Variants in NPAS3 observed in about 807,000 individuals in gnomAD.
The protein encoded by NPAS3 is neuronal PAS domain protein 3.
In NPAS3, 14 loss-of-function variants were observed where a neutral mutation model predicts 73.1. That is an observed-to-expected ratio of 0.19 (90% CI 0.13 to 0.30). The LOEUF (loss-of-function observed/expected upper bound fraction) is 0.30. Among genes scored for constraint, NPAS3 ranks in the 10% least tolerant of loss-of-function variants. The pLI, the probability that NPAS3 is intolerant of heterozygous loss-of-function variation, is 1.00. For missense variants in NPAS3, 1,096 were observed against 1,250.0 expected (o/e 0.88, Z 1.86); for synonymous variants, 620 against 541.5 (o/e 1.14, Z -2.01).
At chr14:33,605,814 C>G (rs1479890093) in intron 5 of NPAS3, among the ~76,000 whole-genome samples, 2 of 151,674 alleles carry the variant, frequency 1.3e-5, no homozygotes, top group Non-Finnish European at 2.9e-5. Flanking sequence ...TCTATAGATT[C>G]AATACAATTC....
intron 4 of NPAS3, among the ~76,000 whole-genome samples, chr14:33,485,850 C>T (rs1489813308): frequency 6.7e-6 from 1 of 150,228 alleles, no homozygotes; most frequent in African/African-American, 2.5e-5. Flanking sequence ...TTTTTTTTTT[C>T]ACCTTCTCTC....
At chr14:33,755,184 T>C (rs1253781414) in intron 7 of NPAS3, among the ~76,000 whole-genome samples, 4 of 152,250 alleles carry the variant, frequency 2.6e-5, no homozygotes, top group East Asian at 1.9e-4. Flanking sequence ...TAATGTAAGA[T>C]AATATGAGTG....
chr14:33,287,697 T>C (rs1159604193), intron 3 of NPAS3, among the ~76,000 whole-genome samples: 1 of 152,154 alleles, frequency 6.6e-6, no homozygotes, highest in East Asian at 1.9e-4. Context: ...CTTAATCTGG[T>C]TTCCTGTCAC....
chr14:33,345,080 G>A (rs1334794485), intron 3 of NPAS3, among the ~76,000 whole-genome samples: 2 of 152,104 alleles, frequency 1.3e-5, no homozygotes, highest in African/African-American at 2.4e-5. Flanking sequence ...AGTGGTTAAG[G>A]GTATTGTTAA....
chr14:33,164,310 G>T (rs1006716192), intron 2 of NPAS3, among the ~76,000 whole-genome samples: 1 of 152,162 alleles, frequency 6.6e-6, no homozygotes, highest in East Asian at 1.9e-4. Context: ...TTTCAATTTT[G>T]TGAAGAAGCT....
intron 5 of NPAS3, among the ~76,000 whole-genome samples, chr14:33,562,899 G>A (rs2055719145): frequency 6.7e-6 from 1 of 149,736 alleles, no homozygotes; most frequent in African/African-American, 2.5e-5. Context: ...TCTTTTATGA[G>A]CACACACACA....
At chr14:33,465,078 G>GT (rs550721097) in intron 4 of NPAS3, among the ~76,000 whole-genome samples, 3,496 of 151,274 alleles carry the variant, frequency 0.023, 116 homozygotes, top group African/African-American at 0.079. Context: ...ATTCCCAAAG[G>GT]TTTTTTTTTA....
intron 5 of NPAS3, among the ~76,000 whole-genome samples, chr14:33,665,895 C>T (rs2059438064): frequency 6.6e-6 from 1 of 151,946 alleles, no homozygotes; most frequent in Admixed American, 6.6e-5. Context: ...TGAGATCATT[C>T]CAGTGTAGCA....
chr14:32,994,851 C>T (rs1399540389), intron 1 of NPAS3, among the ~76,000 whole-genome samples: 1 of 152,082 alleles, frequency 6.6e-6, no homozygotes, highest in Non-Finnish European at 1.5e-5. Context: ...AGGCTGGTCT[C>T]GAACTCCTGA....
chr14:33,054,758 G>A (rs1407706465), intron 1 of NPAS3, among the ~76,000 whole-genome samples: 2 of 151,872 alleles, frequency 1.3e-5, no homozygotes, highest in Non-Finnish European at 1.5e-5. Flanking sequence ...GACTACAGGC[G>A]CCGACCACCA....
chr14:33,465,089 C>G (rs1201962181), intron 4 of NPAS3, among the ~76,000 whole-genome samples: 1 of 151,758 alleles, frequency 6.6e-6, no homozygotes, highest in Non-Finnish European at 1.5e-5. Flanking sequence ...TTTTTTTTTA[C>G]TTGAGTGATC....
At chr14:33,798,603 CCCTTCCT>C (rs1215574012) in intron 11 of NPAS3, among the ~76,000 whole-genome samples, 1 of 152,162 alleles carries the variant, frequency 6.6e-6, no homozygotes, top group Non-Finnish European at 1.5e-5. Context: ...AAACATGTAT[CCCTTCCT>C]CCAGACCCAG....
At chr14:33,253,311 G>C (rs1460904445) in intron 3 of NPAS3, among the ~76,000 whole-genome samples, 12 of 152,042 alleles carry the variant, frequency 7.9e-5, no homozygotes, top group Non-Finnish European at 1.5e-5. Context: ...GACAAGGAAA[G>C]TGAGGCACAG....
chr14:32,982,214 G>A (rs1006259479), intron 1 of NPAS3, among the ~76,000 whole-genome samples: 1 of 152,174 alleles, frequency 6.6e-6, no homozygotes, highest in Non-Finnish European at 1.5e-5. Context: ...CTTGAGAGAA[G>A]AAGAGATCAA....
In NPAS3 at chr14:33,170,644, A is replaced by G. The variant is rs77569401; in HGVS notation, c.141-44538A>G. ...TTTGTTATTTGTTGTCACTTCAACA[A>G]TGTTCACAACATCTTCACCAGGAGT... On this transcript the variant is annotated intron_variant, in intron 2 of 11. Coordinates refer to ENST00000356141, the Ensembl canonical transcript of NPAS3. Among the ~76,000 whole-genome samples, 275 of 152,334 alleles carry G rather than the reference A, an allele frequency of 1.8e-3. 1 individual carries two copies. The highest frequency in any genetic ancestry group is 6.2e-3 in the African/African-American group (258 of 41,566).
At chr14:33,140,185 T>C (rs1241442708) in intron 2 of NPAS3, among the ~76,000 whole-genome samples, 1 of 152,136 alleles carries the variant, frequency 6.6e-6, no homozygotes, top group Non-Finnish European at 1.5e-5. Context: ...GCACAGTAAA[T>C]TACATTGAAA....
chr14:33,139,725 AAT>A (rs1268876768), intron 2 of NPAS3, among the ~76,000 whole-genome samples: 15 of 152,340 alleles, frequency 9.8e-5, no homozygotes, highest in African/African-American at 3.6e-4. Flanking sequence ...ATGAAATAAA[AAT>A]ATGTTTCCTC....
chr14:33,387,941 G>A (rs865909262), intron 4 of NPAS3, among the ~76,000 whole-genome samples: 47 of 152,288 alleles, frequency 3.1e-4, no homozygotes, highest in African/African-American at 1.1e-3. Context: ...TCTACTAGAA[G>A]CTAAACTAGT....
intron 5 of NPAS3, among the ~76,000 whole-genome samples, chr14:33,674,991 G>A (rs931829416): frequency 3.9e-5 from 6 of 152,122 alleles, no homozygotes; most frequent in Non-Finnish European, 8.8e-5. Flanking sequence ...GTGCAGGCAC[G>A]CAGGTGGAAT....
Sources: gnomAD v4.1 joint callset for allele counts (sites outside exome capture counted in the v4.1 genomes callset) on GRCh38, gnomAD v4.1.1 for gene constraint, MANE v1.5 for transcripts, NCBI Gene and HGNC (gene_info 2026-07-23, HGNC 2026-07-21) for gene names.